Variants in TLE1 observed in about 807,000 individuals in gnomAD.
The protein encoded by TLE1 is TLE family member 1, transcriptional corepressor.
In TLE1, 21 loss-of-function variants were observed where a neutral mutation model predicts 89.8. That is an observed-to-expected ratio of 0.23 (90% CI 0.17 to 0.34). The LOEUF (loss-of-function observed/expected upper bound fraction) is 0.34, where lower values mean the gene tolerates loss of function less well. Among genes scored for constraint, TLE1 ranks in the 10% least tolerant of loss-of-function variants. TLE1 has a pLI of 1.00. For synonymous variants in TLE1, 447 were observed against 407.6 expected, an observed-to-expected ratio of 1.10 and a Z score of -1.16; for missense variants, 795 against 1,031.2, an observed-to-expected ratio of 0.77 and a Z score of 3.14.
In TLE1 at chr9:81,599,905, A is replaced by AT. The variant is rs981871909; in HGVS notation, c.1332-6632dup. 4.8e-5 allele frequency: 24 copies of AT among 502,222 alleles called. 1 individual carries two copies. The highest frequency in any genetic ancestry group is 2.0e-4 in the South Asian group (5 of 24,952). The allele number at this position is 502,222 out of a possible 1,614,324, so 31.1% of individuals were successfully genotyped here. On this transcript the variant is annotated intron_variant, in intron 14 of 19. Transcript: ENST00000376499. ...AGAGGCATACACTCTATTTTCATTT[A>AT]TTTTTTTTAAAGGCAAATACAAAAC...
chr9:81,587,397 T>C (rs1350870822), intron 17 of TLE1, among the ~76,000 whole-genome samples: 2 of 152,224 alleles, frequency 1.3e-5, no homozygotes, highest in Non-Finnish European at 2.9e-5. Flanking sequence ...AAACTATACA[T>C]TCTTCAATGT....
intron 15 of TLE1, 55 bp downstream of exon 15, chr9:81,592,970 C>T (rs369318555): frequency 5.1e-6 from 8 of 1,578,302 alleles, no homozygotes; most frequent in African/African-American, 2.7e-5. Context: ...CAGCTATTTC[C>T]TTATTGAATC....
Position 81,627,405 on chromosome 9 carries a change from C to A in TLE1, c.594+5943G>T, listed in dbSNP as rs140602459. Among the ~76,000 whole-genome samples, 1,401 of 152,062 alleles carry A rather than the reference C, an allele frequency of 9.2e-3. 24 individuals are homozygous for A. Among genetic ancestry groups the A allele is most frequent in the African/African-American group, 0.032 (1,326 of 41,484 alleles). On this transcript the variant is annotated intron_variant, in intron 8 of 19. Coordinates refer to ENST00000376499, the MANE Select transcript of TLE1 (RefSeq NM_005077.5). ...GAACGTTAATCCAGTCCCACCAAGG[C>A]CCCGATATCCACCTGACTTATTGCA...
chr9:81,604,575 T>C (rs1011567407), intron 14 of TLE1, among the ~76,000 whole-genome samples: 20 of 152,146 alleles, frequency 1.3e-4, no homozygotes, highest in African/African-American at 4.6e-4. Context: ...CACACAGTCA[T>C]GGAAAATGCA....
At chr9:81,664,389 T>TCC (rs1341772413) in intron 4 of TLE1, among the ~76,000 whole-genome samples, 1 of 152,216 alleles carries the variant, frequency 6.6e-6, no homozygotes, top group Non-Finnish European at 1.5e-5. Context: ...CCAAGAGGCC[T>TCC]CCTTCAGGAT....
chr9:81,611,582 G>C (rs749576257), intron 13 of TLE1, among the ~76,000 whole-genome samples, 187 bp downstream of exon 13: 11 of 152,258 alleles, frequency 7.2e-5, no homozygotes, highest in Non-Finnish European at 1.3e-4. Context: ...GAAGCAGCAT[G>C]CTGATGAAAG....
At chr9:81,603,894 C>A (rs550576301) in intron 14 of TLE1, among the ~76,000 whole-genome samples, 1 of 152,036 alleles carries the variant, frequency 6.6e-6, no homozygotes, top group Non-Finnish European at 1.5e-5. Context: ...CCCAGCGACT[C>A]GGGAGGCTGA....
chr9:81,604,998 T>A (rs553997683), intron 14 of TLE1, among the ~76,000 whole-genome samples: 163 of 152,296 alleles, frequency 1.1e-3, no homozygotes, highest in African/African-American at 3.7e-3. Flanking sequence ...AATGACATCA[T>A]CAAGCCCCCA....
chr9:81,653,931 A>G, intron 5 of TLE1, 43 bp downstream of exon 5: 1 of 1,574,844 alleles, frequency 6.3e-7, no homozygotes, highest in Non-Finnish European at 8.7e-7. Flanking sequence ...GCAAACAGAG[A>G]AGCAACATAA....
chr9:81,623,573 G>A (rs191866606), intron 8 of TLE1, among the ~76,000 whole-genome samples: 50 of 146,018 alleles, frequency 3.4e-4, no homozygotes, highest in African/African-American at 1.3e-3. Context: ...GTGAAAAGGA[G>A]TTCGAGACCA....
intron 11 of TLE1, among the ~76,000 whole-genome samples, chr9:81,615,529 T>C (rs1587977588): frequency 8.2e-6 from 1 of 122,234 alleles, no homozygotes; most frequent in Non-Finnish European, 1.6e-5. Context: ...CAAAACCCCA[T>C]CTCTACTAAA....
At chr9:81,645,859 T>A (rs966418114) in intron 6 of TLE1, among the ~76,000 whole-genome samples, 4 of 152,218 alleles carry the variant, frequency 2.6e-5, no homozygotes, top group Non-Finnish European at 5.9e-5. Context: ...CTCCTGTACC[T>A]CATAAATATA....
At chr9:81,621,079 T>C (rs1825186242) in intron 8 of TLE1, 1 of 237,716 alleles carries the variant, frequency 4.2e-6, no homozygotes, top group Non-Finnish European at 8.6e-6. Context: ...TGAATTCTTT[T>C]AATTTATTGT....
intron 8 of TLE1, among the ~76,000 whole-genome samples, chr9:81,632,579 TG>T (rs923662630): frequency 7.9e-5 from 12 of 151,166 alleles, no homozygotes; most frequent in African/African-American, 2.4e-4. Flanking sequence ...GAAAAGGGGC[TG>T]AATTCTCTCT....
intron 14 of TLE1, among the ~76,000 whole-genome samples, chr9:81,609,509 T>C (rs1823434261): frequency 6.6e-6 from 1 of 152,232 alleles, no homozygotes; most frequent in Non-Finnish European, 1.5e-5. Context: ...ACACTTCTAA[T>C]TACTAACATT....
chr9:81,665,793 C>CTGCA (rs1831390665), intron 4 of TLE1, among the ~76,000 whole-genome samples: 1 of 151,950 alleles, frequency 6.6e-6, no homozygotes, highest in African/African-American at 2.4e-5. Flanking sequence ...GTTCTCCTTC[C>CTGCA]TGCAATGATG....
chr9:81,657,285 G>A lies in TLE1; in HGVS notation c.235-3249C>T, dbSNP rs144850818. 8.1e-3 allele frequency among the ~76,000 whole-genome samples: 1,235 copies of A among 152,200 alleles called. 17 individuals carry two copies. Among genetic ancestry groups the A allele is most frequent in the African/African-American group, 0.028 (1,156 of 41,520 alleles). ...CTTAATATGATTTTTTTGCTGTATA[G>A]AACTTTAAGTCTTTATGTGGTCAAA... On this transcript the variant is annotated intron_variant, in intron 4 of 19. Coordinates refer to ENST00000376499, the MANE Select transcript of TLE1 (RefSeq NM_005077.5).
intron 16 of TLE1, among the ~76,000 whole-genome samples, chr9:81,588,345 G>A (rs777991146): frequency 3.9e-5 from 6 of 152,122 alleles, no homozygotes; most frequent in Non-Finnish European, 7.3e-5. Context: ...AATGCCCTAC[G>A]TGCCAACAGA....
intron 6 of TLE1, among the ~76,000 whole-genome samples, chr9:81,650,952 G>A (rs970740848): frequency 2.0e-5 from 3 of 152,162 alleles, no homozygotes; most frequent in African/African-American, 7.2e-5. Flanking sequence ...CTGCAATTGA[G>A]AAACTGATGA....
Sources: allele counts gnomAD v4.1 joint callset (sites outside exome capture counted in the v4.1 genomes callset), GRCh38; gene constraint gnomAD v4.1.1; transcripts MANE v1.5; gene names NCBI Gene and HGNC (gene_info 2026-07-23, HGNC 2026-07-21).